STK32B: variants seen among roughly 807,000 people sequenced by gnomAD.
STK32B encodes serine/threonine-protein kinase 32B.
A neutral mutation model predicts 52.6 loss-of-function variants in STK32B; 43 were observed. That is an observed-to-expected ratio of 0.82 (90% CI 0.64 to 1.05). STK32B has a LOEUF of 1.05. STK32B is among the 50% of genes least tolerant of loss of function. The probability of loss-of-function intolerance (pLI) is 0.00; values close to 1 mark genes in which losing one functional copy is unlikely to be tolerated. For missense variants in STK32B, 621 were observed against 534.6 expected (o/e 1.16, Z -1.59); for synonymous variants, 238 against 204.3 (o/e 1.17, Z -1.41).
At chr4:5,359,761 G>A (rs1056513984) in intron 4 of STK32B, among the ~76,000 whole-genome samples, 3 of 152,224 alleles carry the variant, frequency 2.0e-5, no homozygotes, top group Non-Finnish European at 4.4e-5. Flanking sequence ...CCAAGAGGAA[G>A]TGTGCTTGGT....
At chr4:5,024,952 C>T in the STK32B span, among the ~76,000 whole-genome samples, 1 of 152,114 alleles carries the variant, frequency 6.6e-6, no homozygotes. Context: ...CAGAGCTTTG[C>T]ATGCAATCTC....
chr4:5,095,039 C>T (rs370067102), intron 1 of STK32B, among the ~76,000 whole-genome samples: 4 of 152,122 alleles, frequency 2.6e-5, no homozygotes, highest in Admixed American at 6.5e-5. Context: ...AGGTGAGTGA[C>T]GTAAGGTGGT....
intron 5 of STK32B, among the ~76,000 whole-genome samples, chr4:5,416,188 C>G (rs1411716424): frequency 6.6e-6 from 1 of 151,730 alleles, no homozygotes; most frequent in Non-Finnish European, 1.5e-5. Flanking sequence ...CTCCCTGTCC[C>G]CTTCCTTCCT....
Position 5,253,997 on chromosome 4 carries a change from G to A in STK32B, c.261-77223G>A, listed in dbSNP as rs183529444. ...AGACAGGGTCTCACCATGTTGGCCAGGCTGGTCTTGAACTCCTGACCTCGT... is the reference window on the plus strand; with the variant it reads ...AGACAGGGTCTCACCATGTTGGCCAAGCTGGTCTTGAACTCCTGACCTCGT... On this transcript the variant is annotated intron_variant, in intron 3 of 11. Coordinates refer to ENST00000282908, the MANE Select transcript of STK32B (RefSeq NM_018401.3). 3.3e-5 allele frequency among the ~76,000 whole-genome samples: 5 copies of A among 152,226 alleles called. No individual in the cohort carries two copies. In the South Asian group the frequency reaches 1.0e-3, roughly 32 times the overall value.
At chr4:5,181,060 A>G (rs1720313785) in intron 3 of STK32B, among the ~76,000 whole-genome samples, 1 of 152,058 alleles carries the variant, frequency 6.6e-6, no homozygotes, top group African/African-American at 2.4e-5. Context: ...AGGTGAGGGG[A>G]GAGAAAAGCA....
chr4:5,439,312 G>C (rs1259124671), intron 6 of STK32B, among the ~76,000 whole-genome samples: 1 of 151,444 alleles, frequency 6.6e-6, no homozygotes, highest in Non-Finnish European at 1.5e-5. Flanking sequence ...GTGTGAGATG[G>C]TATTTCATTG....
chr4:5,476,729 A>C (rs544927534), intron 11 of STK32B, among the ~76,000 whole-genome samples: 53 of 151,848 alleles, frequency 3.5e-4, no homozygotes, highest in African/African-American at 1.3e-3. Context: ...AGAAGTATTA[A>C]GTTTATGAGT....
At position 5,230,208 on chromosome 4, in the gene STK32B, T is replaced by TTTTTTTTTG. The variant is rs58022709; in HGVS notation, c.260+61759_260+61760insTTTTTTTGT. On this transcript the variant is annotated intron_variant, in intron 3 of 11. Transcript: ENST00000282908. ...TTTTTTTTTTTTTTTTTTTTTTTTT[T>TTTTTTTTTG]TAGTGGAGTCTTGCACCGTCGCCCA... is the stretch of plus-strand genomic sequence containing the variant. 7.2e-4 allele frequency among the ~76,000 whole-genome samples: 74 copies of TTTTTTTTTG among 103,484 alleles called. 2 individuals carry two copies. Among genetic ancestry groups the TTTTTTTTTG allele is most frequent in the African/African-American group, 1.1e-3 (32 of 30,082 alleles). The allele number at this position is 103,484 out of a possible 152,430, so 67.9% of individuals were successfully genotyped here.
intron 3 of STK32B, among the ~76,000 whole-genome samples, chr4:5,312,245 C>T (rs900001673): frequency 7.0e-5 from 10 of 141,860 alleles, no homozygotes; most frequent in African/African-American, 1.8e-4. Context: ...ATGGTTTTAC[C>T]GCTTACGTTT....
At chr4:5,021,526 T>C in the STK32B span, among the ~76,000 whole-genome samples, 3 of 152,138 alleles carry the variant, frequency 2.0e-5, no homozygotes, top group African/African-American at 7.2e-5. Context: ...TAAAATGCTC[T>C]AGGGCTTCTG....
intron 11 of STK32B, among the ~76,000 whole-genome samples, chr4:5,481,902 C>T (rs578147081): frequency 3.9e-4 from 60 of 152,158 alleles, no homozygotes; most frequent in Middle Eastern, 3.4e-3. Flanking sequence ...TGTAGATATG[C>T]GGCATTATTT....
In STK32B at chr4:5,249,278, T is replaced by C. The variant is rs61557394; in HGVS notation, c.260+80828T>C. 4.5e-3 allele frequency among the ~76,000 whole-genome samples: 684 copies of C among 152,196 alleles called. 2 individuals are homozygous for C. The highest frequency in any genetic ancestry group is 0.015 in the African/African-American group (621 of 41,526). On this transcript the variant is annotated intron_variant, in intron 3 of 11. Transcript: ENST00000282908. ...GTTGCTATTACTCAAATATAAGATA[T>C]ATATAGAACGGGGTTCAGAGAAGTT...
chr4:5,192,471 C>T (rs944318081), intron 3 of STK32B, among the ~76,000 whole-genome samples: 8 of 152,274 alleles, frequency 5.3e-5, no homozygotes, highest in Middle Eastern at 3.4e-3. Flanking sequence ...TACACACACA[C>T]GCTACAGAAA....
chr4:5,249,087 A>G (rs867211420), intron 3 of STK32B, among the ~76,000 whole-genome samples: 1 of 152,096 alleles, frequency 6.6e-6, no homozygotes, highest in Non-Finnish European at 1.5e-5. Flanking sequence ...TAATAAAAAA[A>G]TAAAATAAAG....
intron 6 of STK32B, chr4:5,432,210 C>T (rs145935723): frequency 2.6e-5 from 4 of 152,214 alleles, no homozygotes; most frequent in South Asian, 4.2e-4. Flanking sequence ...CAAAGGTAGC[C>T]GTTGAGATTC....
chr4:5,312,755 A>G (rs555325910), intron 3 of STK32B, among the ~76,000 whole-genome samples: 156 of 152,064 alleles, frequency 1.0e-3, no homozygotes, highest in Non-Finnish European at 1.7e-3. Context: ...ATACGTGTGC[A>G]TGTGTCTTTA....
chr4:5,144,726 G>T (rs868323832), intron 2 of STK32B, among the ~76,000 whole-genome samples: 19 of 152,140 alleles, frequency 1.2e-4, no homozygotes, highest in African/African-American at 3.9e-4. Flanking sequence ...TTGGAAGTTT[G>T]TGTGGAGTTT....
chr4:5,218,293 A>T (rs1723306032), intron 3 of STK32B, among the ~76,000 whole-genome samples: 1 of 152,196 alleles, frequency 6.6e-6, no homozygotes, highest in Non-Finnish European at 1.5e-5. Context: ...TTAAAAGATC[A>T]CTCTGACTGT....
At chr4:5,096,664 G>A (rs1031942659) in intron 1 of STK32B, among the ~76,000 whole-genome samples, 1 of 152,122 alleles carries the variant, frequency 6.6e-6, no homozygotes, top group Non-Finnish European at 1.5e-5. Context: ...TGGCATCTAC[G>A]GCACCTGCTG....
Sources: allele counts gnomAD v4.1 joint callset (sites outside exome capture counted in the v4.1 genomes callset), GRCh38; gene constraint gnomAD v4.1.1; transcripts MANE v1.5; gene names NCBI Gene and HGNC (gene_info 2026-07-23, HGNC 2026-07-21).